Variants in ROBO2 observed in about 807,000 individuals in gnomAD.
ROBO2 encodes the protein roundabout homolog 2.
Under a neutral mutation model 160.8 loss-of-function variants are expected in ROBO2, and 53 were observed. The ratio of observed to expected loss-of-function variants is 0.33; its 90% CI spans 0.26 to 0.41. The LOEUF (loss-of-function observed/expected upper bound fraction) is 0.41. Among genes scored for constraint, ROBO2 ranks in the 10% least tolerant of loss-of-function variants. The pLI is 1.00. For missense variants in ROBO2, 1,577 were observed against 1,722.4 expected, an observed-to-expected ratio of 0.92 and a Z score of 1.49; for synonymous variants, 664 against 611.7, an observed-to-expected ratio of 1.09 and a Z score of -1.26.
intron 2 of ROBO2, among the ~76,000 whole-genome samples, chr3:76,029,473 G>A (rs751405405): frequency 3.1e-4 from 47 of 151,858 alleles, no homozygotes; most frequent in Admixed American, 2.6e-4. Context: ...CCATTAAATC[G>A]TCATTTACAT....
At chr3:77,494,452 C>A (rs2086535361) in intron 5 of ROBO2, among the ~76,000 whole-genome samples, 1 of 152,058 alleles carries the variant, frequency 6.6e-6, no homozygotes, top group Non-Finnish European at 1.5e-5. Context: ...GTGGCACATA[C>A]CTGTAATCCC....
chr3:76,352,208 T>C (rs13318231), intron 2 of ROBO2, among the ~76,000 whole-genome samples: 43,341 of 151,752 alleles, frequency 0.29, 6,518 homozygotes, highest in Non-Finnish European at 0.34. Flanking sequence ...GATCTCTATT[T>C]ATAGCCTGGC....
chr3:77,322,835 G>A (rs1485870039), intron 2 of ROBO2, among the ~76,000 whole-genome samples: 2 of 105,432 alleles, frequency 1.9e-5, no homozygotes, highest in Admixed American at 1.2e-4. Context: ...AATATATTAT[G>A]TAATATATTA....
At chr3:75,922,861 T>G (rs908223586) in intron 1 of ROBO2, among the ~76,000 whole-genome samples, 1 of 152,216 alleles carries the variant, frequency 6.6e-6, no homozygotes. Flanking sequence ...ATTTTTCTTC[T>G]GTTTCTAATA....
intron 2 of ROBO2, among the ~76,000 whole-genome samples, chr3:76,718,285 C>T (rs965373756): frequency 6.6e-6 from 1 of 152,208 alleles, no homozygotes; most frequent in African/African-American, 2.4e-5. Context: ...AGTTTAGCAT[C>T]AGAAAACAGA....
intron 2 of ROBO2, among the ~76,000 whole-genome samples, chr3:77,394,034 C>T (rs2075011955): frequency 6.6e-6 from 1 of 152,056 alleles, no homozygotes; most frequent in Admixed American, 6.6e-5. Flanking sequence ...ATAGAGTGAA[C>T]CCTCATAACT....
chr3:76,276,523 A>G (rs1349316944), intron 2 of ROBO2, among the ~76,000 whole-genome samples: 4 of 152,160 alleles, frequency 2.6e-5, no homozygotes, highest in Non-Finnish European at 5.9e-5. Flanking sequence ...ATAACATGAA[A>G]CCATATTCTA....
intron 2 of ROBO2, among the ~76,000 whole-genome samples, chr3:76,041,626 AT>A (rs1269069527): frequency 6.6e-6 from 1 of 151,990 alleles, no homozygotes; most frequent in Non-Finnish European, 1.5e-5. Context: ...ACTTTATAGA[AT>A]TTTTTGTTTT....
At chr3:77,462,216 C>T (rs979873971) in intron 2 of ROBO2, among the ~76,000 whole-genome samples, 1 of 152,110 alleles carries the variant, frequency 6.6e-6, no homozygotes, top group Non-Finnish European at 1.5e-5. Context: ...TTAGAACCTC[C>T]TCACTCAATA....
chr3:76,848,884 G>C (rs2069045595), intron 2 of ROBO2, among the ~76,000 whole-genome samples: 1 of 152,138 alleles, frequency 6.6e-6, no homozygotes, highest in African/African-American at 2.4e-5. Flanking sequence ...CACAATTATA[G>C]TTTTTATTAG....
intron 2 of ROBO2, among the ~76,000 whole-genome samples, chr3:76,964,137 C>T (rs776233759): frequency 1.3e-5 from 2 of 151,264 alleles, no homozygotes; most frequent in Admixed American, 6.6e-5. Context: ...ACATTTTGGA[C>T]GGTTCTGAAT....
At chr3:76,223,080 T>C (rs1704072560) in intron 2 of ROBO2, among the ~76,000 whole-genome samples, 1 of 151,436 alleles carries the variant, frequency 6.6e-6, no homozygotes, top group African/African-American at 2.4e-5. Context: ...TAATATCCAT[T>C]CCCAGACATG....
intron 2 of ROBO2, among the ~76,000 whole-genome samples, chr3:76,139,105 G>A (rs2071539039): frequency 6.6e-6 from 1 of 152,116 alleles, no homozygotes; most frequent in South Asian, 2.1e-4. Flanking sequence ...ATTAGAGCGT[G>A]TACTTAAATG....
intron 2 of ROBO2, among the ~76,000 whole-genome samples, chr3:77,015,691 T>A (rs1038688861): frequency 3.9e-5 from 6 of 152,166 alleles, no homozygotes; most frequent in African/African-American, 1.2e-4. Context: ...TTAAAATGCA[T>A]CTGCTATGAC....
At chr3:77,402,849 G>A (rs1446953236) in intron 2 of ROBO2, among the ~76,000 whole-genome samples, 2 of 151,516 alleles carry the variant, frequency 1.3e-5, no homozygotes, top group East Asian at 1.9e-4. Context: ...CTCCCAAGTC[G>A]CCCACTTGGC....
chr3:76,828,974 T>C (rs1334986854), intron 2 of ROBO2, among the ~76,000 whole-genome samples: 1 of 152,086 alleles, frequency 6.6e-6, no homozygotes, highest in Non-Finnish European at 1.5e-5. Context: ...ACATCCATGA[T>C]TCTTTTGCCC....
At chr3:76,782,481 T>G (rs1270742714) in intron 2 of ROBO2, among the ~76,000 whole-genome samples, 1 of 150,814 alleles carries the variant, frequency 6.6e-6, no homozygotes. Flanking sequence ...AGTGGGGTAT[T>G]GAAATTCCCT....
chr3:77,447,083 A>G (rs1190392873), intron 2 of ROBO2, among the ~76,000 whole-genome samples: 3 of 152,140 alleles, frequency 2.0e-5, no homozygotes, highest in Non-Finnish European at 4.4e-5. Context: ...TCAGAGTTTG[A>G]TAAAAGGAAA....
chr3:77,518,756 A>G (rs923066305), intron 5 of ROBO2, among the ~76,000 whole-genome samples: 6 of 151,534 alleles, frequency 4.0e-5, no homozygotes, highest in African/African-American at 1.2e-4. Flanking sequence ...AGTGATCCTC[A>G]AGGAGAAATT....
Sources: gnomAD v4.1 joint callset for allele counts (sites outside exome capture counted in the v4.1 genomes callset) on GRCh38, gnomAD v4.1.1 for gene constraint, MANE v1.5 for transcripts, NCBI Gene and HGNC (gene_info 2026-07-23, HGNC 2026-07-21) for gene names.